Variants in TNRC18 observed in about 807,000 individuals in gnomAD.
TNRC18 encodes trinucleotide repeat-containing gene 18 protein.
In TNRC18, 69 loss-of-function variants were observed where a neutral mutation model predicts 226.7. The observed-to-expected ratio is 0.30, with a 90% CI of 0.25 to 0.37. TNRC18 has a LOEUF of 0.37. Among genes scored for constraint, TNRC18 ranks in the 10% least tolerant of loss-of-function variants. The probability of loss-of-function intolerance (pLI) is 1.00; values close to 1 mark genes in which losing one functional copy is unlikely to be tolerated. For missense variants in TNRC18, 4,754 were observed against 4,256.6 expected (o/e 1.12, Z -3.25); for synonymous variants, 2,449 against 1,927.6 (o/e 1.27, Z -7.09).
At chr7:5,319,742 C>CA (rs1788162875) in intron 24 of TNRC18, among the ~76,000 whole-genome samples, 2 of 152,184 alleles carry the variant, frequency 1.3e-5, no homozygotes, top group African/African-American at 2.4e-5. Flanking sequence ...CTCCTGACCT[C>CA]AAGTGATTCC....
chr7:5,312,379 C>A lies in TNRC18; in HGVS notation c.8388+124G>T. 7.1e-7 allele frequency: 1 copy of A among 1,402,734 alleles called. No homozygotes were observed. Among genetic ancestry groups the A allele is most frequent in the South Asian group, 1.5e-5 (1 of 67,188 alleles). 86.9% of individuals were successfully genotyped at this position (1,402,734 alleles called of 1,614,324 possible). A position where few individuals can be genotyped will look rare whatever the true frequency, so the allele number is the denominator to read the frequency against. The stretch of plus-strand genomic sequence containing the variant: ...TGTACCCATCCATAAAGTGGGACGC[C>A]AGCCCTCCACCCTGGGGTTCTGGGA... On this transcript the variant is annotated intron_variant, in intron 27 of 29. Transcript: ENST00000430969. This position sits in a 1 kb window ranked among gnomAD's most constrained non-coding sequence, Gnocchi z 6.3.
chr7:5,317,003 G>A lies in TNRC18; in HGVS notation c.6746-931C>T, dbSNP rs141014792. On this transcript the variant is annotated intron_variant, in intron 24 of 29. Coordinates refer to ENST00000430969, the MANE Select transcript of TNRC18 (RefSeq NM_001080495.3). ...CAGACTGAAAGACACTGAGCGCAGG[G>A]AGGAGGTTGGACAGGCCCCCCAAAG... Among the ~76,000 whole-genome samples the A allele has an allele frequency of 5.6e-3, 850 of 152,220 alleles. 8 individuals carry two copies. The highest frequency in any genetic ancestry group is 0.019 in the African/African-American group (809 of 41,520).
In TNRC18 at chr7:5,388,236, G is replaced by C; in HGVS notation, c.1588C>G (p.His530Asp). 6.2e-7 allele frequency: 1 copy of C among 1,606,022 alleles called. No homozygotes were observed. Among genetic ancestry groups the C allele is most frequent in the Non-Finnish European group, 8.5e-7 (1 of 1,177,268 alleles). ...ATQMAVLAAQ[H>D]HHSRAEEEAA... ...TCCTCTTCGGCGCGGCTGTGGTGGT[G>C]CTGCGCGGCCAGCACGGCCATCTGC... The change falls in exon 5 of 30, where the codon CAC (histidine) becomes GAC (aspartate). Residue 530 changes from histidine (H) to aspartate (D), a missense_variant. By Grantham distance (81) the His-to-Asp change is moderately conservative. Coordinates refer to ENST00000430969, the MANE Select transcript of TNRC18 (RefSeq NM_001080495.3).
rs760164849 is a variant in TNRC18, at chr7:5,370,564, C to T, written c.4030G>A (p.Ala1344Thr). 9.3e-6 allele frequency: 15 copies of T among 1,611,494 alleles called. No homozygotes were observed. The highest frequency in any genetic ancestry group is 1.7e-4 in the Middle Eastern group (1 of 6,056). Residue 1344 changes from alanine (A) to threonine (T), a missense_variant, in exon 11 of 30, where the codon GCC (alanine) becomes ACC (threonine). Transcript: ENST00000430969. ...GGCAGCTCCGCAGCTGCCGCCAGGGCGTTCATGCCAGCCAGTGGGTCCTCC... is the reference window on the plus strand; with the variant it reads ...GGCAGCTCCGCAGCTGCCGCCAGGGTGTTCATGCCAGCCAGTGGGTCCTCC... ...SLEDPLAGMN[A>T]LAAAAELPQA... is the part of the protein sequence containing the mutation.
intron 25 of TNRC18, 143 bp downstream of exon 25, chr7:5,315,813 G>T: frequency 1.7e-6 from 1 of 589,644 alleles, no homozygotes. Flanking sequence ...GAGATCTCAC[G>T]GGAGCCCACC....
At chr7:5,360,203 TTTTATTTA>T (rs373223281) in intron 14 of TNRC18, among the ~76,000 whole-genome samples, 2,689 of 151,190 alleles carry the variant, frequency 0.018, 32 homozygotes, top group African/African-American at 0.018. Context: ...TGCTGCTGTA[TTTTATTTA>T]TTTATTTATT....
In TNRC18 at chr7:5,388,377, C is replaced by A. The variant is rs749257634; in HGVS notation, c.1447G>T (p.Ala483Ser). ...GCGGCCTGTTGGGCTGCAGGACCGGCTGGGCCGCGGGGCGCACGCTCGCAG... is the reference window on the plus strand; with the variant it reads ...GCGGCCTGTTGGGCTGCAGGACCGGATGGGCCGCGGGGCGCACGCTCGCAG... ...RPCERAPRGP[A>S]GPAAQQAAKL... Residue 483 changes from alanine to serine, a missense_variant, in exon 5 of 30, where the codon GCC becomes TCC. Coordinates refer to ENST00000430969, the MANE Select transcript of TNRC18 (RefSeq NM_001080495.3). 14 of 1,542,966 alleles carry A rather than the reference C, an allele frequency of 9.1e-6. No individual in the cohort carries two copies. Among genetic ancestry groups the A allele is most frequent in the Admixed American group, 2.1e-5 (1 of 48,054 alleles).
intron 18 of TNRC18, among the ~76,000 whole-genome samples, chr7:5,339,992 C>T (rs1790530210): frequency 6.6e-6 from 1 of 152,100 alleles, no homozygotes; most frequent in Non-Finnish European, 1.5e-5. Context: ...CACAACAATA[C>T]CGAAATTAGG....
At chr7:5,327,639 C>G (rs974504111) in intron 19 of TNRC18, among the ~76,000 whole-genome samples, 1 of 152,034 alleles carries the variant, frequency 6.6e-6, no homozygotes, top group African/African-American at 2.4e-5. Context: ...ATGGATTTTT[C>G]TTTTCTTTAT....
intron 5 of TNRC18, among the ~76,000 whole-genome samples, chr7:5,382,799 G>A (rs542092833): frequency 1.1e-4 from 17 of 152,066 alleles, no homozygotes; most frequent in Admixed American, 3.3e-4. Flanking sequence ...ATCTGAATGG[G>A]GAGAGTAACA....
chr7:5,380,755 G>C (rs747198553), intron 5 of TNRC18, among the ~76,000 whole-genome samples: 3 of 152,178 alleles, frequency 2.0e-5, no homozygotes, highest in Non-Finnish European at 4.4e-5. Flanking sequence ...GCAGTGACAG[G>C]TCTCAGGCAG....
At chr7:5,375,315 AC>A (rs1399741021) in intron 9 of TNRC18, among the ~76,000 whole-genome samples, 2 of 148,226 alleles carry the variant, frequency 1.3e-5, no homozygotes, top group African/African-American at 2.5e-5. Flanking sequence ...CCTCAAAAAA[AC>A]AACAAAAACA....
In TNRC18 at chr7:5,377,364, C is replaced by A. The variant is rs1779058429; in HGVS notation, c.2461+7G>T. ...AGAAGGGGAGAGACCCTGTGCCCCA[C>A]ACTCACCGTAGGGGTGTCCAGCGAG... On this transcript the variant is annotated splice_region_variant and intron_variant, in intron 7 of 29. Transcript: ENST00000430969. This position sits in a 1 kb window ranked among gnomAD's most constrained non-coding sequence, Gnocchi z 5.8. 20 of 1,550,302 alleles carry A rather than the reference C, an allele frequency of 1.3e-5. No individual in the cohort carries two copies. Among genetic ancestry groups the A allele is most frequent in the Non-Finnish European group, 1.7e-5 (19 of 1,145,920 alleles).
chr7:5,369,553 A>C (rs1271718111), intron 11 of TNRC18, among the ~76,000 whole-genome samples: 1 of 152,102 alleles, frequency 6.6e-6, no homozygotes, highest in Non-Finnish European at 1.5e-5. Context: ...CAACAGAGAG[A>C]AAAGTCGAAC....
At chr7:5,346,269 G>A (rs1295901163) in intron 17 of TNRC18, among the ~76,000 whole-genome samples, 1 of 152,208 alleles carries the variant, frequency 6.6e-6, no homozygotes, top group East Asian at 1.9e-4. Flanking sequence ...CTGGGCACAG[G>A]TGCCTGTGGC....
rs151021877 is a variant in TNRC18, at chr7:5,356,828, GGC to G, written c.5194+86_5194+87del. On this transcript the variant is annotated intron_variant, in intron 16 of 29. Transcript: ENST00000430969. ...AGCGAGAGCGAGAGAGAGAGTGAGG[GGC>G]GGGGGGGGAAGGAGGACGGTGGAGA... 0.28 allele frequency: 364,834 copies of G among 1,299,730 alleles called. 20,351 individuals carry two copies. Among genetic ancestry groups the G allele is most frequent in the Non-Finnish European group, 0.29 (291,424 of 993,594 alleles). The allele number at this position is 1,299,730 out of a possible 1,614,324, so 80.5% of individuals were successfully genotyped here.
At chr7:5,423,121 C>T (rs1290586742) in intron 1 of TNRC18, 2 of 152,366 alleles carry the variant, frequency 1.3e-5, no homozygotes, top group East Asian at 3.9e-4. Flanking sequence ...AGCCTATAAT[C>T]GAAAACGTCT....
intron 17 of TNRC18, 139 bp downstream of exon 17, chr7:5,351,680 G>A (rs1791828727): frequency 1.1e-6 from 1 of 908,606 alleles, no homozygotes; most frequent in Non-Finnish European, 1.6e-6. Flanking sequence ...GAACCCAGAT[G>A]GCAGCCTTCT....
In TNRC18 at chr7:5,362,803, C is replaced by T. The variant is rs990217288; in HGVS notation, c.4242G>A (p.Ala1414=). Residue 1414 remains alanine (A), a synonymous_variant, in exon 12 of 30, where the codon GCG becomes GCA. Transcript: ENST00000430969. ...CCAGCAGACTCTCCAGGGAGGGCCG[C>T]GCCACCAGGGCCCGCTCCGCACCTG... ...EMGGAERALV[A]RPSLESLLAA... 2.6e-5 allele frequency: 40 copies of T among 1,564,064 alleles called. No homozygotes were observed. Among genetic ancestry groups the T allele is most frequent in the Middle Eastern group, 1.7e-4 (1 of 5,950 alleles).
Sources: allele counts gnomAD v4.1 joint callset (sites outside exome capture counted in the v4.1 genomes callset), GRCh38; gene constraint gnomAD v4.1.1; non-coding constraint Gnocchi (gnomAD v3.1); transcripts MANE v1.5; gene names NCBI Gene and HGNC (gene_info 2026-07-23, HGNC 2026-07-21).